Variants in PALLD observed in about 807,000 individuals in gnomAD.
PALLD encodes the protein palladin.
Under a neutral mutation model 123.5 loss-of-function variants are expected in PALLD, and 61 were observed. The ratio of observed to expected loss-of-function variants is 0.49; its 90% confidence interval spans 0.40 to 0.61. The LOEUF is 0.61. Ranked by LOEUF, PALLD falls within the 20% of genes least tolerant of loss-of-function variation. PALLD has a pLI of 0.00. For synonymous variants in PALLD, 465 were observed against 496.4 expected (o/e 0.94, Z 0.84); for missense variants, 1,273 against 1,377.0 (o/e 0.92, Z 1.20).
chr4:168,767,579 C>T (rs1398476949), intron 10 of PALLD, among the ~76,000 whole-genome samples: 6 of 142,416 alleles, frequency 4.2e-5, no homozygotes, highest in Non-Finnish European at 7.5e-5. Context: ...CAGAGTTTCG[C>T]TCTTGTTGCC....
chr4:168,716,102 C>T (rs1340707159), intron 10 of PALLD, among the ~76,000 whole-genome samples: 1 of 152,212 alleles, frequency 6.6e-6, no homozygotes, highest in African/African-American at 2.4e-5. Flanking sequence ...CCTCCTACGG[C>T]AGATCCAACA....
rs138588092 is a variant in PALLD at position 168,580,430 on chromosome 4, G to A, written c.908+68018G>A. Among the ~76,000 whole-genome samples, 49 of 151,940 alleles carry A rather than the reference G, an allele frequency of 3.2e-4. No individual in the cohort carries two copies. The East Asian group carries it at 6.4e-3, about 20-fold the overall frequency. On this transcript the variant is annotated intron_variant, in intron 2 of 21. Coordinates refer to ENST00000505667, the MANE Select transcript of PALLD (RefSeq NM_001166108.2). Reference sequence around the variant, plus strand: ...CAAATCAAAACCACAGTGAGATACCGTCTCACACCAGTCAGAATGGCTACT... The same window carrying A: ...CAAATCAAAACCACAGTGAGATACCATCTCACACCAGTCAGAATGGCTACT...
chr4:168,736,474 G>A (rs1296052515), intron 10 of PALLD, among the ~76,000 whole-genome samples: 2 of 152,212 alleles, frequency 1.3e-5, no homozygotes, highest in Non-Finnish European at 2.9e-5. Flanking sequence ...TACATTTTGT[G>A]AGGCTCTGCT....
rs564124728 is a variant in PALLD at position 168,615,286 on chromosome 4, T to C, written c.909-52904T>C. Among the ~76,000 whole-genome samples the C allele has an allele frequency of 1.3e-3, 192 of 152,266 alleles. 1 individual carries two copies. The highest frequency in any genetic ancestry group is 4.4e-3 in the African/African-American group (182 of 41,546). ...GTCCCAAACAGCATATAAATAAATA[T>C]GATTTTTGTAACAGCTACATTGTGG... is the stretch of plus-strand genomic sequence containing the variant. On this transcript the variant is annotated intron_variant, in intron 2 of 21. Transcript: ENST00000505667.
chr4:168,788,198 C>T (rs1737018843), intron 10 of PALLD, among the ~76,000 whole-genome samples: 1 of 151,200 alleles, frequency 6.6e-6, no homozygotes, highest in South Asian at 2.1e-4. Context: ...AAATCACAAC[C>T]CAGGAATTTT....
At chr4:168,638,610 CA>C (rs1278633634) in intron 2 of PALLD, among the ~76,000 whole-genome samples, 1 of 152,140 alleles carries the variant, frequency 6.6e-6, no homozygotes, top group Non-Finnish European at 1.5e-5. Flanking sequence ...CTGAAAAGTC[CA>C]AGGTGAAGGT....
At chr4:168,752,069 G>A (rs1731134125) in intron 10 of PALLD, among the ~76,000 whole-genome samples, 1 of 152,202 alleles carries the variant, frequency 6.6e-6, no homozygotes, top group Non-Finnish European at 1.5e-5. Flanking sequence ...ACAAGATCAG[G>A]CTCAAACTTA....
At chr4:168,569,890 A>G (rs745824055) in intron 2 of PALLD, among the ~76,000 whole-genome samples, 1 of 152,132 alleles carries the variant, frequency 6.6e-6, no homozygotes, top group African/African-American at 2.4e-5. Flanking sequence ...AAATACAATC[A>G]GGGGCTTGTG....
At chr4:168,747,462 A>G (rs1325148736) in intron 10 of PALLD, among the ~76,000 whole-genome samples, 4 of 152,254 alleles carry the variant, frequency 2.6e-5, no homozygotes, top group African/African-American at 9.6e-5. Flanking sequence ...CTAACAATGA[A>G]AAATGTCAAT....
At chr4:168,502,954 C>T (rs995441202) in intron 1 of PALLD, among the ~76,000 whole-genome samples, 2 of 152,138 alleles carry the variant, frequency 1.3e-5, no homozygotes, top group Non-Finnish European at 2.9e-5. Flanking sequence ...AGAGAAATGT[C>T]GCAGCAGGTT....
chr4:168,904,244 A>T (rs956168339), intron 15 of PALLD: 3 of 281,944 alleles, frequency 1.1e-5, no homozygotes, highest in Non-Finnish European at 2.1e-5. Context: ...AACTTCAGGT[A>T]GGATTACATG....
intron 13 of PALLD, 32 bp from the exon 14 acceptor site, chr4:168,898,461 G>C (rs1755749485): frequency 7.3e-7 from 1 of 1,377,958 alleles, no homozygotes; most frequent in Admixed American, 1.7e-5. Flanking sequence ...AGAAGGGATT[G>C]AGTCTGCTAA....
Position 168,926,337 on chromosome 4 carries a change from A to C in PALLD, c.*157A>C, listed in dbSNP as rs1268560606. The C allele has an allele frequency of 1.3e-6, 2 of 1,537,400 alleles. No individual in the cohort carries two copies. The highest frequency in any genetic ancestry group is 8.7e-7 in the Non-Finnish European group (1 of 1,146,854). ...CAGCGTTCCAACCTGAGGCCAACCC[A>C]TCTCACCTGACACTGAATACTGCCT... On this transcript the variant is annotated 3_prime_UTR_variant, in exon 22 of 22. Transcript: ENST00000505667.
At chr4:168,862,348 G>A (rs887113839) in intron 10 of PALLD, among the ~76,000 whole-genome samples, 9 of 151,292 alleles carry the variant, frequency 5.9e-5, no homozygotes, top group Non-Finnish European at 1.3e-4. Context: ...AGGTTTCACT[G>A]TGTTGCCTAG....
intron 10 of PALLD, among the ~76,000 whole-genome samples, chr4:168,885,699 C>T (rs1753240721): frequency 6.6e-6 from 1 of 152,160 alleles, no homozygotes. Flanking sequence ...AGGCTGGACA[C>T]ATTCATTTTA....
chr4:168,633,787 G>C (rs904532073), intron 2 of PALLD, among the ~76,000 whole-genome samples: 1 of 152,120 alleles, frequency 6.6e-6, no homozygotes, highest in African/African-American at 2.4e-5. Flanking sequence ...TGTTTACTCT[G>C]TAAAATAGCA....
chr4:168,790,183 G>A (rs34451180), intron 10 of PALLD, among the ~76,000 whole-genome samples: 76,545 of 144,834 alleles, frequency 0.53, 20,970 homozygotes, highest in Non-Finnish European at 0.61. Flanking sequence ...TTTTCTTGAG[G>A]CAGAGTCTTG....
At chr4:168,696,254 C>T (rs953395511) in intron 8 of PALLD, among the ~76,000 whole-genome samples, 4 of 152,066 alleles carry the variant, frequency 2.6e-5, no homozygotes, top group African/African-American at 9.7e-5. Flanking sequence ...TATTTCCAGT[C>T]CTCTTCCAGG....
chr4:168,712,694 TG>T (rs1352189622), intron 10 of PALLD, among the ~76,000 whole-genome samples: 2 of 152,142 alleles, frequency 1.3e-5, no homozygotes, highest in Non-Finnish European at 2.9e-5. Context: ...CAGAGGTTAG[TG>T]GAAATGTAAG....
Sources: gnomAD v4.1 joint callset for allele counts (sites outside exome capture counted in the v4.1 genomes callset) on GRCh38, gnomAD v4.1.1 for gene constraint, MANE v1.5 for transcripts, NCBI Gene and HGNC (gene_info 2026-07-23, HGNC 2026-07-21) for gene names.